Variants in PTPRD observed in about 807,000 individuals in gnomAD.
PTPRD encodes the protein protein tyrosine phosphatase receptor type D, also known as receptor-type tyrosine-protein phosphatase delta.
Under a neutral mutation model 214.5 loss-of-function variants are expected in PTPRD, and 34 were observed. The observed-to-expected ratio is 0.16, with a 90% confidence interval of 0.12 to 0.21. PTPRD has a LOEUF of 0.21. Ranked by LOEUF, PTPRD falls within the 10% of genes least tolerant of loss-of-function variation. The pLI, the probability that PTPRD is intolerant of heterozygous loss-of-function variation, is 1.00. For missense variants in PTPRD, 2,545 were observed against 2,398.7 expected (o/e 1.06, Z -1.27); for synonymous variants, 1,128 against 845.7 (o/e 1.33, Z -5.79).
intron 39 of PTPRD, among the ~76,000 whole-genome samples, chr9:8,366,968 C>T (rs187550053): frequency 8.5e-5 from 13 of 152,296 alleles, no homozygotes; most frequent in East Asian, 1.9e-4. Context: ...TAAACGCCTA[C>T]GGCCTGTTCT....
intron 7 of PTPRD, among the ~76,000 whole-genome samples, chr9:9,656,981 A>T (rs546028270): frequency 6.6e-6 from 1 of 152,298 alleles, no homozygotes; most frequent in African/African-American, 2.4e-5. Flanking sequence ...CTAAATGAGA[A>T]GACAAAAGTA....
At chr9:8,653,273 G>A (rs1414212346) in intron 12 of PTPRD, among the ~76,000 whole-genome samples, 2 of 152,178 alleles carry the variant, frequency 1.3e-5, no homozygotes, top group African/African-American at 2.4e-5. Context: ...TCTGGGGGCT[G>A]CCAGAGCATC....
At chr9:9,700,001 T>C (rs968742181) in intron 7 of PTPRD, among the ~76,000 whole-genome samples, 1 of 152,162 alleles carries the variant, frequency 6.6e-6, no homozygotes, top group Non-Finnish European at 1.5e-5. Flanking sequence ...CTGATGTTAC[T>C]TTTACAGAAA....
At chr9:8,801,663 C>A (rs2154518793) in intron 11 of PTPRD, among the ~76,000 whole-genome samples, 1 of 152,300 alleles carries the variant, frequency 6.6e-6, no homozygotes, top group South Asian at 2.1e-4. Flanking sequence ...TTGCAGTGGG[C>A]AGAGATGGCC....
intron 7 of PTPRD, among the ~76,000 whole-genome samples, chr9:9,657,280 A>G (rs1283284232): frequency 6.6e-6 from 1 of 152,140 alleles, no homozygotes; most frequent in African/African-American, 2.4e-5. Flanking sequence ...CAGCCATAAA[A>G]AAAAAGGTCA....
At chr9:10,317,999 A>G (rs557873407) in intron 3 of PTPRD, among the ~76,000 whole-genome samples, 2 of 152,150 alleles carry the variant, frequency 1.3e-5, no homozygotes, top group South Asian at 2.1e-4. Context: ...TCTAAAATTT[A>G]ACTATTTAGT....
intron 10 of PTPRD, among the ~76,000 whole-genome samples, chr9:9,097,131 A>T (rs2099784652): frequency 6.6e-6 from 1 of 152,324 alleles, no homozygotes; most frequent in Non-Finnish European, 1.5e-5. Flanking sequence ...AGTTAGCTGG[A>T]TCTCAGCAGG....
chr9:8,394,473 T>A lies in PTPRD; in HGVS notation c.4211-5066A>T, dbSNP rs181853364. On this transcript the variant is annotated intron_variant, in intron 36 of 45. Transcript: ENST00000381196. Reference sequence around the variant, plus strand: ...TCTTGGGACAATAGCAAGCACTTGCTAAGAATTTAGAGAAACTGACCAGGA... The same window carrying A: ...TCTTGGGACAATAGCAAGCACTTGCAAAGAATTTAGAGAAACTGACCAGGA... Among the ~76,000 whole-genome samples, 173 of 152,314 alleles carry A rather than the reference T, an allele frequency of 1.1e-3. 1 individual carries two copies. The highest frequency in any genetic ancestry group is 3.9e-3 in the African/African-American group (164 of 41,578).
chr9:9,963,130 G>A (rs183244213), intron 4 of PTPRD, among the ~76,000 whole-genome samples: 2 of 151,950 alleles, frequency 1.3e-5, no homozygotes, highest in East Asian at 3.9e-4. Context: ...TAAATCAGGT[G>A]GATTTAATGT....
intron 2 of PTPRD, among the ~76,000 whole-genome samples, chr9:10,522,415 C>G (rs959179231): frequency 2.0e-5 from 3 of 152,102 alleles, no homozygotes; most frequent in Admixed American, 2.0e-4. Flanking sequence ...CTATTAAAGG[C>G]TGAGAAAGCC....
chr9:9,022,516 G>C (rs1055359414), intron 10 of PTPRD, among the ~76,000 whole-genome samples: 2 of 152,122 alleles, frequency 1.3e-5, no homozygotes, highest in East Asian at 3.9e-4. Context: ...TTCTGTACAG[G>C]TTTGTGGCTT....
At chr9:9,145,904 G>A (rs1051488183) in intron 10 of PTPRD, among the ~76,000 whole-genome samples, 1 of 152,206 alleles carries the variant, frequency 6.6e-6, no homozygotes, top group African/African-American at 2.4e-5. Context: ...AATTAACATA[G>A]GCACGTATCA....
chr9:8,330,486 G>A (rs1024456790), intron 44 of PTPRD, among the ~76,000 whole-genome samples: 1 of 152,108 alleles, frequency 6.6e-6, no homozygotes, highest in Non-Finnish European at 1.5e-5. Context: ...ACGTCTCTGA[G>A]GTATGCCTGT....
At chr9:9,324,945 G>A (rs1393995711) in intron 9 of PTPRD, among the ~76,000 whole-genome samples, 2 of 152,196 alleles carry the variant, frequency 1.3e-5, no homozygotes, top group Non-Finnish European at 2.9e-5. Flanking sequence ...TCATTAAATA[G>A]GGAATCCTTT....
intron 6 of PTPRD, among the ~76,000 whole-genome samples, chr9:9,756,612 G>A (rs1394208105): frequency 6.6e-6 from 1 of 152,098 alleles, no homozygotes; most frequent in African/African-American, 2.4e-5. Context: ...TGGATACAGA[G>A]TTTTCCTTTG....
At chr9:9,573,208 A>G (rs2087102417) in intron 8 of PTPRD, among the ~76,000 whole-genome samples, 1 of 151,658 alleles carries the variant, frequency 6.6e-6, no homozygotes, top group Non-Finnish European at 1.5e-5. Flanking sequence ...TTACAAACAT[A>G]ATGTTGAGCA....
At chr9:9,464,184 G>T (rs974355103) in intron 8 of PTPRD, among the ~76,000 whole-genome samples, 12 of 152,092 alleles carry the variant, frequency 7.9e-5, no homozygotes, top group African/African-American at 2.9e-4. Flanking sequence ...TTTCTCTCCA[G>T]TGAGCAATGG....
chr9:10,492,992 T>A (rs1361368423), intron 2 of PTPRD, among the ~76,000 whole-genome samples: 1 of 152,056 alleles, frequency 6.6e-6, no homozygotes, highest in Non-Finnish European at 1.5e-5. Flanking sequence ...AGAACTCCCA[T>A]TCACAATTGC....
At chr9:8,725,264 T>C (rs1275808719) in intron 12 of PTPRD, among the ~76,000 whole-genome samples, 1 of 152,186 alleles carries the variant, frequency 6.6e-6, no homozygotes, top group African/African-American at 2.4e-5. Flanking sequence ...CTTGTTACTG[T>C]TAGAAAATGT....
Sources: allele counts gnomAD v4.1 joint callset (sites outside exome capture counted in the v4.1 genomes callset), GRCh38; gene constraint gnomAD v4.1.1; transcripts MANE v1.5; gene names NCBI Gene and HGNC (gene_info 2026-07-23, HGNC 2026-07-21).